SVIL: variants seen among roughly 807,000 people sequenced by gnomAD.
SVIL encodes the protein supervillin.
Under a neutral mutation model 240.4 loss-of-function variants are expected in SVIL, and 101 were observed. The ratio of observed to expected loss-of-function variants is 0.42; its 90% CI spans 0.36 to 0.50. The LOEUF (loss-of-function observed/expected upper bound fraction) is 0.50. Among genes scored for constraint, SVIL ranks in the 20% least tolerant of loss-of-function variants. The probability of loss-of-function intolerance (pLI) is 0.01; values close to 1 mark genes in which losing one functional copy is unlikely to be tolerated. For missense variants in SVIL, 2,512 were observed against 2,818.7 expected (o/e 0.89, Z 2.46); for synonymous variants, 999 against 1,100.0 (o/e 0.91, Z 1.82).
chr10:29,494,261 G>A (rs1307713261), intron 20 of SVIL, among the ~76,000 whole-genome samples: 3 of 152,018 alleles, frequency 2.0e-5, no homozygotes, highest in Non-Finnish European at 4.4e-5. Flanking sequence ...ACTGCTCCAT[G>A]TGTGTAATAA....
At chr10:29,654,670 A>C (rs1050645014) in intron 3 of SVIL, among the ~76,000 whole-genome samples, 132 of 152,204 alleles carry the variant, frequency 8.7e-4, no homozygotes, top group Non-Finnish European at 1.5e-4. Flanking sequence ...ATGGGGGCTG[A>C]GAAGTCCCAC....
At chr10:29,586,518 T>C (rs1956172631) in intron 1 of SVIL, among the ~76,000 whole-genome samples, 1 of 152,158 alleles carries the variant, frequency 6.6e-6, no homozygotes, top group Admixed American at 6.5e-5. Context: ...CGCAGGTCCC[T>C]TGGCTCCTAA....
chr10:29,696,375 C>T (rs541992576), intron 1 of SVIL, among the ~76,000 whole-genome samples: 1 of 152,148 alleles, frequency 6.6e-6, no homozygotes, highest in Admixed American at 6.5e-5. Flanking sequence ...GGCCGCCACC[C>T]CGTCTGGGAA....
chr10:29,602,414 C>A (rs922240682), intron 1 of SVIL: 11 of 417,748 alleles, frequency 2.6e-5, no homozygotes, highest in African/African-American at 2.1e-4. Flanking sequence ...CAACCTGGAT[C>A]CCAGGCCCCA....
chr10:29,652,740 G>A (rs528366896), intron 3 of SVIL, among the ~76,000 whole-genome samples: 1 of 152,244 alleles, frequency 6.6e-6, no homozygotes, highest in Non-Finnish European at 1.5e-5. Flanking sequence ...GTCTTTGTGG[G>A]TATGAAGTGT....
In SVIL at chr10:29,671,296, T is replaced by C. The variant is rs76010829; in HGVS notation, c.-300-13228A>G. 9.8e-3 allele frequency among the ~76,000 whole-genome samples: 1,492 copies of C among 152,316 alleles called. 10 individuals carry two copies. The highest frequency in any genetic ancestry group is 0.016 in the Non-Finnish European group (1,100 of 68,022). On this transcript the variant is annotated intron_variant, in intron 2 of 35. Transcript: ENST00000375400. ...CTTAGTCACGTAGCCCCGGGATAGA[T>C]GCCTTCAACAGCTTCCCAATGTTTC...
At chr10:29,711,850 G>A (rs1236432481) in intron 1 of SVIL, 1 of 151,934 alleles carries the variant, frequency 6.6e-6, no homozygotes, top group African/African-American at 2.4e-5. Flanking sequence ...AGAGCAGCTG[G>A]GCACGGTGGC....
At chr10:29,672,801 T>C (rs531838872) in intron 2 of SVIL, among the ~76,000 whole-genome samples, 32 of 152,134 alleles carry the variant, frequency 2.1e-4, no homozygotes, top group Non-Finnish European at 7.4e-5. Flanking sequence ...CTTATCTTTC[T>C]TTGCATCTAG....
chr10:29,505,590 G>GT, intron 17 of SVIL, among the ~76,000 whole-genome samples: 1 of 152,268 alleles, frequency 6.6e-6, no homozygotes, highest in East Asian at 1.9e-4. Context: ...GTATGATAGT[G>GT]TAACGGTGGA....
intron 1 of SVIL, among the ~76,000 whole-genome samples, chr10:29,591,813 C>T (rs546310045): frequency 1.3e-5 from 2 of 152,306 alleles, no homozygotes; most frequent in South Asian, 2.1e-4. Flanking sequence ...TCTTAGCACA[C>T]GTGGGGAGAT....
chr10:29,604,363 CTTTTTTTTTT>C lies in SVIL; in HGVS notation c.-201+30047_-201+30056del, dbSNP rs71525560. Among the ~76,000 whole-genome samples the C allele has an allele frequency of 1.6e-4, 6 of 38,426 alleles. No homozygotes were observed. In the East Asian group the frequency reaches 1.9e-3, roughly 12 times the overall value. 25.2% of individuals were successfully genotyped at this position (38,426 alleles called of 152,430 possible). On this transcript the variant is annotated intron_variant, in intron 1 of 37. Coordinates refer to ENST00000355867, the MANE Select transcript of SVIL (RefSeq NM_021738.3). ...TACAGGCATGTGCCACCATGTCTGG[CTTTTTTTTTT>C]TTTTTTTTTTTTTTTTTTGGTATTT...
Position 29,600,480 on chromosome 10 carries a change from C to T in SVIL, c.-200-31168G>A, listed in dbSNP as rs147175408. Among the ~76,000 whole-genome samples, 45 of 152,216 alleles carry T rather than the reference C, an allele frequency of 3.0e-4. No homozygotes were observed. The East Asian group carries it at 6.6e-3, about 22-fold the overall frequency. On this transcript the variant is annotated intron_variant, in intron 1 of 37. Transcript: ENST00000355867. ...TTTTAAAGTTCCCCAGGTGAATCAG[C>T]GTGCAGCCCAGGCCTGTTGCACCTC...
Position 29,462,275 on chromosome 10 carries a change from A to C in SVIL, c.6402+2T>G. ...CTTCATAGGGCAGGAAAGCGTGCTC[A>C]CCATCTCTGTGATCTCAGCGATGTC... On this transcript the variant is annotated splice_donor_variant, in intron 36 of 37. Coordinates refer to ENST00000355867, the MANE Select transcript of SVIL (RefSeq NM_021738.3). LOFTEE classifies it high-confidence loss of function. 2 of 1,614,018 alleles carry C rather than the reference A, an allele frequency of 1.2e-6. No individual in the cohort carries two copies. Among genetic ancestry groups the C allele is most frequent in the Non-Finnish European group, 1.7e-6 (2 of 1,179,968 alleles).
chr10:29,688,626 G>T (rs914794808), intron 1 of SVIL, among the ~76,000 whole-genome samples: 1 of 152,138 alleles, frequency 6.6e-6, no homozygotes, highest in Non-Finnish European at 1.5e-5. Flanking sequence ...AATGCACACA[G>T]AACTGAGCTA....
intron 18 of SVIL, among the ~76,000 whole-genome samples, chr10:29,498,720 C>A (rs1948647584): frequency 6.6e-6 from 1 of 152,164 alleles, no homozygotes; most frequent in African/African-American, 2.4e-5. Context: ...GTGTCTCAAG[C>A]CTGTAGTCCC....
At chr10:29,730,083 AG>A (rs2132717203) in intron 1 of SVIL, among the ~76,000 whole-genome samples, 1 of 151,788 alleles carries the variant, frequency 6.6e-6, no homozygotes, top group African/African-American at 2.4e-5. Flanking sequence ...GAGGCTGAGG[AG>A]GGAGGATTCC....
At chr10:29,695,203 AGCT>A (rs1442745396) in intron 1 of SVIL, among the ~76,000 whole-genome samples, 1 of 152,188 alleles carries the variant, frequency 6.6e-6, no homozygotes, top group Non-Finnish European at 1.5e-5. Context: ...GGAATGTACG[AGCT>A]GCTTATTTAA....
chr10:29,651,651 T>TCTC (rs1554886954), intron 3 of SVIL, among the ~76,000 whole-genome samples: 1 of 151,688 alleles, frequency 6.6e-6, no homozygotes, highest in Non-Finnish European at 1.5e-5. Context: ...TCTCTCTCTG[T>TCTC]TTTCATCCTT....
chr10:29,689,479 T>C (rs1961338580), intron 1 of SVIL, among the ~76,000 whole-genome samples: 1 of 152,184 alleles, frequency 6.6e-6, no homozygotes, highest in Admixed American at 6.5e-5. Flanking sequence ...AGAGATGGGG[T>C]TTCACTATAT....
Sources: allele counts gnomAD v4.1 joint callset (sites outside exome capture counted in the v4.1 genomes callset), GRCh38; gene constraint gnomAD v4.1.1; transcripts MANE v1.5; gene names NCBI Gene and HGNC (gene_info 2026-07-23, HGNC 2026-07-21).